The following RBFOX1 variants were observed in gnomAD, a reference collection of about 807,000 sequenced individuals.
The protein encoded by RBFOX1 is RNA binding protein fox-1 homolog 1.
Under a neutral mutation model 57.7 loss-of-function variants are expected in RBFOX1, and 8 were observed. That is an observed-to-expected ratio of 0.14 (90% confidence interval 0.08 to 0.25). The LOEUF is 0.25. RBFOX1 is among the 10% of genes least tolerant of loss of function. The probability of loss-of-function intolerance (pLI) is 1.00; values close to 1 mark genes in which losing one functional copy is unlikely to be tolerated. For missense variants in RBFOX1, 611 were observed against 548.5 expected (o/e 1.11, Z -1.14); for synonymous variants, 326 against 222.4 (o/e 1.47, Z -4.15).
chr16:5,928,689 C>T (rs2058985617), intron 4 of RBFOX1, among the ~76,000 whole-genome samples: 1 of 148,340 alleles, frequency 6.7e-6, no homozygotes, highest in African/African-American at 2.5e-5. Flanking sequence ...ACTCTCTGTG[C>T]TTCTGCCCAA....
intron 3 of RBFOX1, among the ~76,000 whole-genome samples, chr16:6,903,103 C>G (rs1240175482): frequency 6.6e-6 from 1 of 152,122 alleles, no homozygotes; most frequent in African/African-American, 2.4e-5. Flanking sequence ...AGGGAAACTT[C>G]TTGGAGGACG....
At chr16:6,391,947 A>G (rs1377996810) in intron 2 of RBFOX1, among the ~76,000 whole-genome samples, 1 of 152,196 alleles carries the variant, frequency 6.6e-6, no homozygotes. Flanking sequence ...TTTCAGAGAA[A>G]GTCAGGGAAG....
intron 3 of RBFOX1, among the ~76,000 whole-genome samples, chr16:5,795,584 C>A (rs28633948): frequency 6.6e-6 from 1 of 152,142 alleles, no homozygotes; most frequent in Non-Finnish European, 1.5e-5. Flanking sequence ...AACCACTGTG[C>A]CTAGCCTGGT....
intron 3 of RBFOX1, among the ~76,000 whole-genome samples, chr16:6,782,633 T>C (rs1357042620): frequency 1.3e-5 from 2 of 152,188 alleles, no homozygotes; most frequent in African/African-American, 4.8e-5. Context: ...CTGAGACTTG[T>C]GTTTCGGCCT....
chr16:5,655,515 T>C (rs545623204), intron 3 of RBFOX1, among the ~76,000 whole-genome samples: 2 of 152,318 alleles, frequency 1.3e-5, no homozygotes, highest in South Asian at 4.1e-4. Context: ...GGTTCAGCGA[T>C]GAATGGTGCT....
intron 3 of RBFOX1, among the ~76,000 whole-genome samples, chr16:5,841,944 A>G (rs1297393557): frequency 1.3e-5 from 2 of 152,208 alleles, no homozygotes; most frequent in African/African-American, 4.8e-5. Flanking sequence ...TCTTTGCTCT[A>G]GGTAGACGTG....
intron 1 of RBFOX1, among the ~76,000 whole-genome samples, chr16:6,181,742 C>G (rs569698314): frequency 7.9e-5 from 12 of 152,152 alleles, no homozygotes; most frequent in Non-Finnish European, 5.9e-5. Flanking sequence ...ATCCTGTCAT[C>G]TATTAGTGGG....
chr16:7,292,961 G>A (rs115019014), intron 4 of RBFOX1, among the ~76,000 whole-genome samples: 5 of 152,076 alleles, frequency 3.3e-5, no homozygotes, highest in Admixed American at 6.6e-5. Flanking sequence ...GTGAGGATAC[G>A]AATTTGTTCT....
intron 4 of RBFOX1, among the ~76,000 whole-genome samples, chr16:7,221,403 G>T (rs1423232713): frequency 6.6e-6 from 1 of 150,858 alleles, no homozygotes; most frequent in East Asian, 2.0e-4. Context: ...GTTTTGCTCT[G>T]TCGTCCAGGA....
intron 1 of RBFOX1, among the ~76,000 whole-genome samples, chr16:6,265,507 C>G (rs1388013187): frequency 6.6e-6 from 1 of 152,160 alleles, no homozygotes; most frequent in East Asian, 1.9e-4. Flanking sequence ...AGTGATCCAC[C>G]CACCTCGGCC....
intron 4 of RBFOX1, among the ~76,000 whole-genome samples, chr16:7,095,097 G>T (rs1162000416): frequency 6.6e-6 from 1 of 152,004 alleles, no homozygotes; most frequent in Admixed American, 6.6e-5. Context: ...TAACTAGAAT[G>T]TTCTTTCTTT....
At position 5,940,480 on chromosome 16, in the gene RBFOX1, G is replaced by A. The variant is rs1244548637; in HGVS notation, c.351+73145G>A. Among the ~76,000 whole-genome samples, 6 of 152,186 alleles carry A rather than the reference G, an allele frequency of 3.9e-5. No homozygotes were observed. In the East Asian group the frequency reaches 7.7e-4, roughly 20 times the overall value. On this transcript the variant is annotated intron_variant, in intron 4 of 19. Coordinates refer to the RBFOX1 transcript ENST00000641259. ...GTCACCCACCTGGAAAACCATGGGGGAATGTCAGACTGAGCCCAGATCTAT... is the reference window on the plus strand; with the variant it reads ...GTCACCCACCTGGAAAACCATGGGGAAATGTCAGACTGAGCCCAGATCTAT...
chr16:6,428,127 AC>A (rs1375271752), intron 2 of RBFOX1, among the ~76,000 whole-genome samples: 1 of 151,936 alleles, frequency 6.6e-6, no homozygotes, highest in African/African-American at 2.4e-5. Flanking sequence ...TACAACAAAT[AC>A]AAAAACACTT....
intron 4 of RBFOX1, among the ~76,000 whole-genome samples, chr16:5,995,093 T>C (rs974546006): frequency 6.6e-6 from 1 of 152,372 alleles, no homozygotes; most frequent in Non-Finnish European, 1.5e-5. Context: ...CCAAGTCTTC[T>C]TGAAGTACAT....
At chr16:6,884,752 G>C (rs1052822670) in intron 3 of RBFOX1, among the ~76,000 whole-genome samples, 1 of 152,038 alleles carries the variant, frequency 6.6e-6, no homozygotes, top group African/African-American at 2.4e-5. Context: ...ACAAAAATTA[G>C]CTAGGTGTGA....
chr16:5,796,651 C>T (rs982221048), intron 3 of RBFOX1, among the ~76,000 whole-genome samples: 3 of 152,202 alleles, frequency 2.0e-5, no homozygotes, highest in African/African-American at 7.2e-5. Context: ...TGACTGTTTA[C>T]TTGTCAATGC....
intron 4 of RBFOX1, among the ~76,000 whole-genome samples, chr16:5,884,877 C>G (rs901411863): frequency 1.3e-5 from 2 of 152,128 alleles, no homozygotes; most frequent in Non-Finnish European, 2.9e-5. Flanking sequence ...CTTGGAGTGT[C>G]TTTCTCCCAT....
chr16:5,518,311 A>G (rs977533017), intron 2 of RBFOX1, among the ~76,000 whole-genome samples: 8 of 152,114 alleles, frequency 5.3e-5, no homozygotes, highest in African/African-American at 1.4e-4. Context: ...TGTTTGCCAC[A>G]TGAAAGCCCC....
At position 5,697,532 on chromosome 16, in the gene RBFOX1, A is replaced by ATTTT. The variant is rs374138178; in HGVS notation, c.318+98573_318+98574insTTTT. Among the ~76,000 whole-genome samples, 7 of 133,940 alleles carry ATTTT rather than the reference A, an allele frequency of 5.2e-5. 1 individual carries two copies. The highest frequency in any genetic ancestry group is 8.0e-5 in the African/African-American group (3 of 37,418). The allele number at this position is 133,940 out of a possible 152,430, so 87.9% of individuals were successfully genotyped here. On this transcript the variant is annotated intron_variant, in intron 3 of 19. Coordinates refer to the RBFOX1 transcript ENST00000641259. ...GTTGTGGGCTTTTCTTTTCTTTTCT[A>ATTTT]TTCTTTTTTTTTTTTTTTTGAGATA...
Sources: gnomAD v4.1 joint callset for allele counts (sites outside exome capture counted in the v4.1 genomes callset) on GRCh38, gnomAD v4.1.1 for gene constraint, MANE v1.5 for transcripts, NCBI Gene and HGNC (gene_info 2026-07-23, HGNC 2026-07-21) for gene names.